The following ERMP1 variants were observed in gnomAD, a reference collection of about 807,000 sequenced individuals.
ERMP1 encodes the protein Felix-ina.
Under a neutral mutation model 92.0 loss-of-function variants are expected in ERMP1, and 86 were observed. The ratio of observed to expected loss-of-function variants is 0.93; its 90% CI spans 0.79 to 1.12. ERMP1 has a LOEUF of 1.12. Ranked by LOEUF, ERMP1 falls within the 50% of genes most tolerant of loss-of-function variation. The pLI, the probability that ERMP1 is intolerant of heterozygous loss-of-function variation, is 0.00. For synonymous variants in ERMP1, 530 were observed against 412.8 expected, an observed-to-expected ratio of 1.28 and a Z score of -3.44; for missense variants, 1,342 against 1,116.3, an observed-to-expected ratio of 1.20 and a Z score of -2.88.
At chr9:5,841,995 T>C (rs1830169807) in intron 6 of ERMP1, among the ~76,000 whole-genome samples, 1 of 152,164 alleles carries the variant, frequency 6.6e-6, no homozygotes, top group Non-Finnish European at 1.5e-5. Flanking sequence ...GGGTTCATGG[T>C]CTTGCTGACT....
chr9:5,844,086 T>C (rs1830204488), intron 6 of ERMP1, among the ~76,000 whole-genome samples: 3 of 152,134 alleles, frequency 2.0e-5, no homozygotes, highest in South Asian at 4.1e-4. Context: ...CAAACATACA[T>C]TTCCTTACCA....
rs1829212535 is a variant in ERMP1, at chr9:5,814,072, G to C, written c.875-1037C>G. Among the ~76,000 whole-genome samples the C allele has an allele frequency of 4.6e-5, 7 of 152,186 alleles. No homozygotes were observed. The South Asian group carries it at 1.4e-3, about 32-fold the overall frequency. ...CATGACTTGCTCTAGCCAACAGACTGTGAGGAGGAATGACATGACCCTCAA... is the reference window on the plus strand; with the variant it reads ...CATGACTTGCTCTAGCCAACAGACTCTGAGGAGGAATGACATGACCCTCAA... On this transcript the variant is annotated intron_variant, in intron 4 of 14. Transcript: ENST00000339450.
chr9:5,800,001 T>A (rs1372849761), intron 11 of ERMP1, among the ~76,000 whole-genome samples: 1 of 152,170 alleles, frequency 6.6e-6, no homozygotes, highest in Non-Finnish European at 1.5e-5. Flanking sequence ...TTTCAAAACC[T>A]CCTAAGTGTT....
At chr9:5,802,261 A>G (rs999200850) in intron 10 of ERMP1, among the ~76,000 whole-genome samples, 7 of 152,202 alleles carry the variant, frequency 4.6e-5, no homozygotes, top group African/African-American at 1.4e-4. Flanking sequence ...GTTTTGCTGC[A>G]GATGCCTCTG....
intron 6 of ERMP1, among the ~76,000 whole-genome samples, chr9:5,846,542 C>G (rs1365764937): frequency 1.3e-5 from 2 of 152,214 alleles, no homozygotes; most frequent in African/African-American, 4.8e-5. Context: ...GTGATTATGT[C>G]AGATAGATTC....
In ERMP1 at chr9:5,825,128, T is replaced by G; in HGVS notation, c.732A>C (p.Ile244=). 6.2e-7 allele frequency: 1 copy of G among 1,614,038 alleles called. No homozygotes were observed. The highest frequency in any genetic ancestry group is 1.7e-5 in the Admixed American group (1 of 60,014). Residue 244 remains isoleucine, a synonymous_variant, in exon 3 of 15, where the codon ATA becomes ATC. Transcript: ENST00000339450. ...TSSEALHHAV[I]FLFNGAEENV... is the part of the protein sequence containing the mutation. ...TTTCCTCAGCACCATTAAAGAGAAA[T>G]ATGACAGCATGATGCAAGGCTTCTG...
At chr9:5,852,659 T>TA (rs35545449) in intron 6 of ERMP1, among the ~76,000 whole-genome samples, 415 of 137,604 alleles carry the variant, frequency 3.0e-3, no homozygotes, top group East Asian at 3.9e-3. Context: ...GAATGTTCAT[T>TA]AAAAAAAAAA....
intron 6 of ERMP1, among the ~76,000 whole-genome samples, chr9:5,839,438 T>A (rs1830131158): frequency 6.6e-6 from 1 of 152,190 alleles, no homozygotes. Flanking sequence ...CTTTCTCCAC[T>A]GGGCTGCAGT....
intron 6 of ERMP1, among the ~76,000 whole-genome samples, chr9:5,849,538 G>A (rs1830280791): frequency 6.6e-6 from 1 of 152,142 alleles, no homozygotes; most frequent in Non-Finnish European, 1.5e-5. Context: ...ACTTGGTGTG[G>A]TTCTGTGTAC....
intron 6 of ERMP1, among the ~76,000 whole-genome samples, chr9:5,845,120 G>A (rs1387291051): frequency 6.9e-6 from 1 of 145,050 alleles, no homozygotes. Context: ...TTTTGTTTTT[G>A]TTTCCATTGG....
Position 5,830,792 on chromosome 9 carries a change from G to C in ERMP1, c.575C>G (p.Pro192Arg), listed in dbSNP as rs758305961. The change falls in exon 2 of 15, where the codon CCC (proline) becomes CGC (arginine). Residue 192 changes from proline (P) to arginine (R), a missense_variant. Transcript: ENST00000339450. The part of the protein sequence containing the change: ...NITNVVVKLE[P>R]RDGAQHAVLA... ...GACAGCATGCTGGGCTCCATCTCTGGGTTCCAGCTTTACCACAACATTGGT... is the reference window on the plus strand; with the variant it reads ...GACAGCATGCTGGGCTCCATCTCTGCGTTCCAGCTTTACCACAACATTGGT... 5 of 1,614,102 alleles carry C rather than the reference G, an allele frequency of 3.1e-6. No individual in the cohort carries two copies.
chr9:5,802,488 G>A (rs1196479469), intron 10 of ERMP1, among the ~76,000 whole-genome samples: 2 of 152,168 alleles, frequency 1.3e-5, no homozygotes, highest in Non-Finnish European at 1.5e-5. Context: ...AGGTTCAAGC[G>A]ATTCTTGTGC....
chr9:5,796,183 G>C (rs1828417836), intron 13 of ERMP1, among the ~76,000 whole-genome samples: 2 of 152,162 alleles, frequency 1.3e-5, no homozygotes, highest in South Asian at 4.1e-4. Flanking sequence ...ACTCCAACAA[G>C]TTATTTTGTG....
intron 6 of ERMP1, among the ~76,000 whole-genome samples, chr9:5,850,589 C>T (rs1830298043): frequency 6.6e-6 from 1 of 151,980 alleles, no homozygotes; most frequent in South Asian, 2.1e-4. Flanking sequence ...TGCTCACTGT[C>T]AGTGGTTCTC....
chr9:5,836,439 G>A (rs188192306), upstream of ERMP1, among the ~76,000 whole-genome samples: 8 of 152,302 alleles, frequency 5.3e-5, no homozygotes, highest in African/African-American at 1.9e-4. Context: ...GCAGAAAAAA[G>A]AAGCAGTTGT....
chr9:5,839,513 G>C (rs1007071582), intron 6 of ERMP1, among the ~76,000 whole-genome samples: 1 of 152,192 alleles, frequency 6.6e-6, no homozygotes, highest in South Asian at 2.1e-4. Flanking sequence ...TGACTCATGT[G>C]AATTTGCTCC....
At chr9:5,852,605 G>A (rs1830323701) in intron 6 of ERMP1, among the ~76,000 whole-genome samples, 1 of 150,838 alleles carries the variant, frequency 6.6e-6, no homozygotes, top group Admixed American at 6.6e-5. Flanking sequence ...TTTGGTTACT[G>A]CCATATCAGC....
intron 4 of ERMP1, among the ~76,000 whole-genome samples, chr9:5,821,162 G>GT (rs2131258610): frequency 6.6e-6 from 1 of 152,250 alleles, no homozygotes; most frequent in Admixed American, 6.5e-5. Context: ...TCATAAATCT[G>GT]TTTTTTGCTT....
chr9:5,819,857 C>A (rs764439255), intron 4 of ERMP1, among the ~76,000 whole-genome samples: 5 of 152,086 alleles, frequency 3.3e-5, no homozygotes, highest in Non-Finnish European at 7.3e-5. Context: ...AGGCAGTTGC[C>A]TAGGGATGGG....
Sources: gnomAD v4.1 joint callset for allele counts (sites outside exome capture counted in the v4.1 genomes callset) on GRCh38, gnomAD v4.1.1 for gene constraint, MANE v1.5 for transcripts, NCBI Gene and HGNC (gene_info 2026-07-23, HGNC 2026-07-21) for gene names.